The following PAX5 variants were observed in gnomAD, a reference collection of about 807,000 sequenced individuals.
PAX5 encodes the protein paired box protein Pax-5.
Under a neutral mutation model 43.7 loss-of-function variants are expected in PAX5, and 9 were observed. The observed-to-expected ratio is 0.21, with a 90% CI of 0.12 to 0.36. PAX5 has a LOEUF of 0.36. Ranked by LOEUF, PAX5 falls within the 10% of genes least tolerant of loss-of-function variation. The pLI is 1.00. For missense variants in PAX5, 383 were observed against 532.7 expected, an observed-to-expected ratio of 0.72 and a Z score of 2.77; for synonymous variants, 228 against 214.3, an observed-to-expected ratio of 1.06 and a Z score of -0.56.
At chr9:36,870,432 TC>T (rs1391478576) in intron 8 of PAX5, among the ~76,000 whole-genome samples, 3 of 152,232 alleles carry the variant, frequency 2.0e-5, no homozygotes, top group African/African-American at 7.2e-5. Context: ...CTATGAATAC[TC>T]TGCAACTGAG....
At chr9:36,954,552 T>C (rs1424373436) in intron 6 of PAX5, among the ~76,000 whole-genome samples, 2 of 152,208 alleles carry the variant, frequency 1.3e-5, no homozygotes, top group Admixed American at 6.5e-5. Context: ...ATATTTTCTG[T>C]TGTCTTCTGA....
intron 6 of PAX5, among the ~76,000 whole-genome samples, chr9:36,960,458 A>C (rs576714461): frequency 1.2e-4 from 18 of 152,088 alleles, no homozygotes; most frequent in Non-Finnish European, 5.9e-5. Context: ...AAGCAGAGGG[A>C]CATGGGGACG....
intron 5 of PAX5, among the ~76,000 whole-genome samples, chr9:36,989,440 G>A (rs1183328276): frequency 2.0e-5 from 3 of 152,144 alleles, no homozygotes; most frequent in African/African-American, 7.2e-5. Context: ...GATAATAAGA[G>A]TATCCACCTG....
At position 36,933,556 on chromosome 9, in the gene PAX5, C is replaced by T. The variant is rs1307808667; in HGVS notation, c.781-10072G>A. 2.0e-5 allele frequency among the ~76,000 whole-genome samples: 3 copies of T among 152,164 alleles called. No individual in the cohort carries two copies. The East Asian group carries it at 5.8e-4, about 29-fold the overall frequency. On this transcript the variant is annotated intron_variant, in intron 6 of 9. Transcript: ENST00000358127. ...CCCACCCCGTGTGCAGCACTGGTCCCCTACCTGGAAGCAGAGTTAGAGTTG... is the reference window on the plus strand; with the variant it reads ...CCCACCCCGTGTGCAGCACTGGTCCTCTACCTGGAAGCAGAGTTAGAGTTG...
intron 5 of PAX5, among the ~76,000 whole-genome samples, chr9:36,986,290 G>T (rs1211482349): frequency 3.4e-5 from 5 of 148,658 alleles, no homozygotes; most frequent in Non-Finnish European, 4.5e-5. Flanking sequence ...TCAGCGGGCC[G>T]AGCCACGCGC....
At chr9:37,030,433 T>A (rs1484401170) in intron 1 of PAX5, among the ~76,000 whole-genome samples, 1 of 152,106 alleles carries the variant, frequency 6.6e-6, no homozygotes, top group Non-Finnish European at 1.5e-5. Context: ...CAGTCCTGTC[T>A]CTGAACGCCC....
intron 6 of PAX5, among the ~76,000 whole-genome samples, chr9:36,939,106 CG>C (rs1831808290): frequency 6.6e-6 from 1 of 152,212 alleles, no homozygotes; most frequent in Non-Finnish European, 1.5e-5. Flanking sequence ...CCCTTCTCAG[CG>C]GGAGTATGTA....
At chr9:36,900,417 C>T (rs1310681661) in intron 7 of PAX5, among the ~76,000 whole-genome samples, 1 of 152,234 alleles carries the variant, frequency 6.6e-6, no homozygotes, top group African/African-American at 2.4e-5. Context: ...GCAGCATGGG[C>T]CAGGCCTTAT....
At chr9:36,853,989 T>G (rs1161285822) in intron 8 of PAX5, among the ~76,000 whole-genome samples, 2 of 152,250 alleles carry the variant, frequency 1.3e-5, no homozygotes, top group Non-Finnish European at 2.9e-5. Flanking sequence ...CTGCAGATGG[T>G]GGGCTCCCAC....
chr9:36,863,231 C>T (rs541389067), intron 8 of PAX5, among the ~76,000 whole-genome samples: 3 of 152,226 alleles, frequency 2.0e-5, no homozygotes, highest in Admixed American at 6.5e-5. Flanking sequence ...AAGACAGACC[C>T]GCCTGGGTTC....
intron 1 of PAX5, among the ~76,000 whole-genome samples, chr9:37,032,261 G>T (rs550081634): frequency 1.3e-5 from 2 of 151,858 alleles, no homozygotes; most frequent in Admixed American, 1.3e-4. Context: ...CCCATCGACC[G>T]CCATGAATTA....
At chr9:36,862,316 C>T (rs953001507) in intron 8 of PAX5, among the ~76,000 whole-genome samples, 1 of 152,218 alleles carries the variant, frequency 6.6e-6, no homozygotes, top group South Asian at 2.1e-4. Context: ...CGATGCATCC[C>T]GATTCTCCAC....
In PAX5 at chr9:36,867,067, G is replaced by GGT. The variant is rs1467928456; in HGVS notation, c.1012+14936_1012+14937insAC. ...ATGTCCTGGATGGGGTGGTGGGGGG[G>GGT]GGGCCTTGGTTGGTCTCCTGCTTCC... On this transcript the variant is annotated intron_variant, in intron 8 of 9. Coordinates refer to ENST00000358127, the MANE Select transcript of PAX5 (RefSeq NM_016734.3). Among the ~76,000 whole-genome samples, 4 of 129,770 alleles carry GGT rather than the reference G, an allele frequency of 3.1e-5. No homozygotes were observed. The East Asian group carries it at 7.4e-4, about 24-fold the overall frequency. The allele number at this position is 129,770 out of a possible 152,430, so 85.1% of individuals were successfully genotyped here.
In PAX5 at chr9:36,976,722, T is replaced by C. The variant is rs141226656; in HGVS notation, c.605-9998A>G. Reference sequence around the variant, plus strand: ...CTTGGAGAAGGAAAATGCGAAATTGTAAAATTGCCAAATACGTTCAGGTTT... The same window carrying C: ...CTTGGAGAAGGAAAATGCGAAATTGCAAAATTGCCAAATACGTTCAGGTTT... On this transcript the variant is annotated intron_variant, in intron 5 of 9. Transcript: ENST00000358127. 7.9e-5 allele frequency among the ~76,000 whole-genome samples: 12 copies of C among 152,324 alleles called. No homozygotes were observed. The East Asian group carries it at 2.3e-3, about 29-fold the overall frequency.
At position 37,015,977 on chromosome 9, in the gene PAX5, G is replaced by C. The variant is rs1202790866; in HGVS notation, c.213-783C>G. On this transcript the variant is annotated intron_variant, in intron 2 of 9. Transcript: ENST00000358127. The surrounding 1 kb of genome is among the most constrained non-coding windows in gnomAD (Gnocchi z 4.4). ...TTTATAGTTTACAGAAAACTTTCGA[G>C]TCAGTTTTCCCATTTTATCTCCAAC... Among the ~76,000 whole-genome samples the C allele has an allele frequency of 6.6e-6, 1 of 152,210 alleles. No individual in the cohort carries two copies. Among genetic ancestry groups the C allele is most frequent in the Non-Finnish European group, 1.5e-5 (1 of 68,028 alleles).
chr9:36,984,601 A>G (rs1836240471), intron 5 of PAX5, among the ~76,000 whole-genome samples: 1 of 151,604 alleles, frequency 6.6e-6, no homozygotes, highest in South Asian at 2.1e-4. Flanking sequence ...CAACCACGCC[A>G]GGCTAATTTT....
At chr9:36,957,921 G>A (rs1342856441) in intron 6 of PAX5, among the ~76,000 whole-genome samples, 1 of 152,144 alleles carries the variant, frequency 6.6e-6, no homozygotes, top group Non-Finnish European at 1.5e-5. Flanking sequence ...CCTTCCAATA[G>A]ACTGAAACTT....
At chr9:36,909,814 A>ATTTT (rs752114508) in intron 7 of PAX5, among the ~76,000 whole-genome samples, 18,892 of 91,606 alleles carry the variant, frequency 0.21, 2,640 homozygotes, top group African/African-American at 0.26. Flanking sequence ...AGACATTTTA[A>ATTTT]TTTTTTTTTT....
chr9:37,033,986 C>G lies in PAX5; in HGVS notation c.46G>C (p.Gly16Arg). The stretch of plus-strand genomic sequence containing the variant: ...TCTGGAGCCCGTATCGCGGTCCTAC[C>G]TGTCCTGCTGGTCCGAGGAGTCGGA... ...NYPTPRTSRT[G>R]HGGVNQLGGV... The change falls in exon 1 of 10, where the codon GGA (glycine) becomes CGA (arginine). Residue 16 changes from glycine to arginine, a missense_variant and splice_region_variant. Gly to Arg is a moderately radical substitution (Grantham distance 125). Transcript: ENST00000358127. 1 of 1,611,806 alleles carries G rather than the reference C, an allele frequency of 6.2e-7. No homozygotes were observed. The highest frequency in any genetic ancestry group is 8.5e-7 in the Non-Finnish European group (1 of 1,179,642).
Sources: gnomAD v4.1 joint callset for allele counts (sites outside exome capture counted in the v4.1 genomes callset) on GRCh38, gnomAD v4.1.1 for gene constraint, Gnocchi (gnomAD v3.1) non-coding constraint, MANE v1.5 for transcripts, NCBI Gene and HGNC (gene_info 2026-07-23, HGNC 2026-07-21) for gene names.